Variants in DLG2 observed in about 807,000 individuals in gnomAD.
The protein encoded by DLG2 is disks large homolog 2.
DLG2 carries 45 observed loss-of-function variants against 132.5 expected under a neutral mutation model. The observed-to-expected ratio is 0.34, with a 90% CI of 0.27 to 0.44. DLG2 has a LOEUF of 0.44. Among genes scored for constraint, DLG2 ranks in the 20% least tolerant of loss-of-function variants. DLG2 has a pLI of 1.00. For synonymous variants in DLG2, 424 were observed against 419.6 expected (o/e 1.01, Z -0.13); for missense variants, 1,045 against 1,196.9 (o/e 0.87, Z 1.87).
intron 3 of DLG2, among the ~76,000 whole-genome samples, chr11:85,522,449 C>A (rs59082411): frequency 0.18 from 26,936 of 152,136 alleles, 2,655 homozygotes; most frequent in East Asian, 0.28. Flanking sequence ...CAGAATCCCC[C>A]CTAGGGCACT....
At chr11:84,688,220 G>C (rs1274812897) in intron 6 of DLG2, among the ~76,000 whole-genome samples, 1 of 152,068 alleles carries the variant, frequency 6.6e-6, no homozygotes, top group African/African-American at 2.4e-5. Flanking sequence ...TAATATAAAG[G>C]CCTCTTGACA....
At chr11:83,866,578 G>C (rs141223424) in intron 16 of DLG2, among the ~76,000 whole-genome samples, 46 of 152,160 alleles carry the variant, frequency 3.0e-4, no homozygotes, top group African/African-American at 1.1e-3. Context: ...TCTGCAGCAC[G>C]CTGTTTTGGA....
intron 18 of DLG2, among the ~76,000 whole-genome samples, chr11:83,724,530 G>C (rs556763914): frequency 1.2e-4 from 14 of 112,420 alleles, no homozygotes; most frequent in Non-Finnish European, 2.3e-4. Flanking sequence ...AGAATATCAA[G>C]AGTCTAGCAG....
At chr11:84,138,720 G>A (rs1345977986) in intron 9 of DLG2, among the ~76,000 whole-genome samples, 2 of 152,066 alleles carry the variant, frequency 1.3e-5, no homozygotes, top group East Asian at 3.9e-4. Context: ...AGTCTGGGGC[G>A]GGCAGATCAC....
At chr11:84,806,615 A>T (rs555903164) in intron 6 of DLG2, among the ~76,000 whole-genome samples, 1 of 152,330 alleles carries the variant, frequency 6.6e-6, no homozygotes, top group African/African-American at 2.4e-5. Flanking sequence ...AAAGGAATTT[A>T]AGACATTCTC....
At chr11:85,287,179 T>C (rs2078611195) in intron 3 of DLG2, among the ~76,000 whole-genome samples, 1 of 152,084 alleles carries the variant, frequency 6.6e-6, no homozygotes, top group African/African-American at 2.4e-5. Flanking sequence ...ATGTAGTTCA[T>C]TATGTATCAA....
intron 7 of DLG2, among the ~76,000 whole-genome samples, chr11:84,296,802 T>G (rs1049899334): frequency 6.6e-6 from 1 of 152,192 alleles, no homozygotes; most frequent in African/African-American, 2.4e-5. Flanking sequence ...AAATATTTTT[T>G]CAGTAGGGTG....
At chr11:83,860,245 A>G (rs896808705) in intron 16 of DLG2, among the ~76,000 whole-genome samples, 3 of 152,132 alleles carry the variant, frequency 2.0e-5, no homozygotes, top group African/African-American at 7.2e-5. Context: ...AGATCCACTG[A>G]CAGTTTGCAT....
At chr11:84,984,129 T>C (rs569585561) in intron 6 of DLG2, among the ~76,000 whole-genome samples, 1 of 152,312 alleles carries the variant, frequency 6.6e-6, no homozygotes, top group East Asian at 1.9e-4. Flanking sequence ...GCTAGAGACC[T>C]AGACATCTAA....
chr11:85,109,238 ATG>A (rs2072313366), intron 6 of DLG2, among the ~76,000 whole-genome samples: 1 of 152,082 alleles, frequency 6.6e-6, no homozygotes, highest in South Asian at 2.1e-4. Flanking sequence ...TTCAGAAAAT[ATG>A]TGTTTCACTG....
At chr11:85,025,671 G>T (rs925676124) in intron 6 of DLG2, among the ~76,000 whole-genome samples, 1 of 152,106 alleles carries the variant, frequency 6.6e-6, no homozygotes, top group Non-Finnish European at 1.5e-5. Context: ...TTCACTAGAA[G>T]AATAACAGTC....
intron 3 of DLG2, among the ~76,000 whole-genome samples, chr11:85,391,401 A>C (rs2086787311): frequency 6.6e-6 from 1 of 152,156 alleles, no homozygotes; most frequent in African/African-American, 2.4e-5. Context: ...ACTATTCCAA[A>C]AGATAAAGAA....
At chr11:83,616,953 G>T (rs1462055850) in intron 19 of DLG2, among the ~76,000 whole-genome samples, 3 of 152,156 alleles carry the variant, frequency 2.0e-5, no homozygotes, top group Non-Finnish European at 4.4e-5. Context: ...TCAAGAGGTT[G>T]TATGTGTGTG....
intron 6 of DLG2, among the ~76,000 whole-genome samples, chr11:84,831,309 C>T (rs1034316261): frequency 5.3e-5 from 8 of 151,458 alleles, no homozygotes; most frequent in East Asian, 3.9e-4. Context: ...TCATCTCTTA[C>T]GAATAGCTGC....
At chr11:83,496,390 G>C (rs543144638) in intron 21 of DLG2, among the ~76,000 whole-genome samples, 1 of 152,074 alleles carries the variant, frequency 6.6e-6, no homozygotes, top group African/African-American at 2.4e-5. Flanking sequence ...CAGTTACTTT[G>C]AAAAATAGTT....
chr11:85,560,597 A>C (rs1040533881), intron 3 of DLG2, among the ~76,000 whole-genome samples: 6 of 151,924 alleles, frequency 3.9e-5, no homozygotes, highest in African/African-American at 1.4e-4. Context: ...TCTTTTTATG[A>C]TGATGGGAAT....
At chr11:84,949,948 G>T (rs1460746609) in intron 6 of DLG2, among the ~76,000 whole-genome samples, 2 of 152,174 alleles carry the variant, frequency 1.3e-5, no homozygotes, top group Non-Finnish European at 2.9e-5. Context: ...TTTAGAGACT[G>T]CAGTAAAGAC....
chr11:83,632,961 A>G, intron 19 of DLG2: 1 of 475,354 alleles, frequency 2.1e-6, no homozygotes, highest in Non-Finnish European at 3.8e-6. Flanking sequence ...ATTGCAACCT[A>G]TGCTGAGCAT....
At chr11:85,183,353 T>C (rs891585260) in intron 4 of DLG2, among the ~76,000 whole-genome samples, 6 of 151,870 alleles carry the variant, frequency 4.0e-5, no homozygotes, top group African/African-American at 1.4e-4. Flanking sequence ...ATAACAAATA[T>C]TTGTTGAAAA....
Sources: gnomAD v4.1 joint callset for allele counts (sites outside exome capture counted in the v4.1 genomes callset) on GRCh38, gnomAD v4.1.1 for gene constraint, MANE v1.5 for transcripts, NCBI Gene and HGNC (gene_info 2026-07-23, HGNC 2026-07-21) for gene names.